The following STAG1 variants were observed in gnomAD, a reference collection of about 807,000 sequenced individuals.
STAG1 encodes the protein STAG1 cohesin complex component, also known as cohesin subunit SA-1.
Under a neutral mutation model 170.9 loss-of-function variants are expected in STAG1, and 26 were observed. The ratio of observed to expected loss-of-function variants is 0.15; its 90% confidence interval spans 0.11 to 0.21. The LOEUF is 0.21. Among genes scored for constraint, STAG1 ranks in the 10% least tolerant of loss-of-function variants. The probability of loss-of-function intolerance (pLI) is 1.00; values close to 1 mark genes in which losing one functional copy is unlikely to be tolerated. For missense variants in STAG1, 964 were observed against 1,509.5 expected, an observed-to-expected ratio of 0.64 and a Z score of 5.99; for synonymous variants, 514 against 497.7, an observed-to-expected ratio of 1.03 and a Z score of -0.44.
At chr3:136,665,258 T>C (rs1236725606) in intron 1 of STAG1, among the ~76,000 whole-genome samples, 2 of 152,188 alleles carry the variant, frequency 1.3e-5, no homozygotes, top group East Asian at 1.9e-4. Flanking sequence ...AATGAGATCT[T>C]TGAGGACCTT....
chr3:136,573,932 C>T (rs1937358203), intron 4 of STAG1, among the ~76,000 whole-genome samples: 1 of 151,954 alleles, frequency 6.6e-6, no homozygotes, highest in Non-Finnish European at 1.5e-5. Context: ...GATCGCGCCA[C>T]TGCACTCCAG....
At chr3:136,723,870 G>A (rs7610239) in intron 1 of STAG1, among the ~76,000 whole-genome samples, 31,721 of 139,506 alleles carry the variant, frequency 0.23, 3,751 homozygotes, top group African/African-American at 0.27. Context: ...CGCCCCGTCC[G>A]GGAGGGTGGT....
intron 1 of STAG1, among the ~76,000 whole-genome samples, chr3:136,714,938 AATATATATATAT>A (rs71714671): frequency 1.3e-4 from 12 of 95,720 alleles, no homozygotes; most frequent in African/African-American, 4.0e-4. Flanking sequence ...ATATATATTA[AATATATATATAT>A]ATATATATAT....
intron 4 of STAG1, among the ~76,000 whole-genome samples, chr3:136,570,238 T>C (rs1937219739): frequency 6.6e-6 from 1 of 152,188 alleles, no homozygotes; most frequent in Non-Finnish European, 1.5e-5. Context: ...AAAGGGTAAT[T>C]ATTATACTGA....
chr3:136,656,504 TC>T (rs1941375076), intron 1 of STAG1, among the ~76,000 whole-genome samples: 1 of 151,330 alleles, frequency 6.6e-6, no homozygotes, highest in Admixed American at 6.6e-5. Context: ...GGCAGAGGGG[TC>T]CCCAGAACAA....
chr3:136,523,767 T>C (rs1934826031), intron 6 of STAG1, among the ~76,000 whole-genome samples: 2 of 152,232 alleles, frequency 1.3e-5, no homozygotes, highest in Admixed American at 6.5e-5. Context: ...GAATTAATTT[T>C]TGTATAAAGT....
intron 16 of STAG1, among the ~76,000 whole-genome samples, chr3:136,429,715 C>G (rs1168656733): frequency 6.6e-6 from 1 of 152,128 alleles, no homozygotes; most frequent in East Asian, 1.9e-4. Context: ...AGTGAGTGTA[C>G]CTGCCTCTCC....
In STAG1 at chr3:136,338,358, T is replaced by A. The variant is rs1483651821; in HGVS notation, c.3753+12A>T. The A allele has an allele frequency of 6.2e-7, 1 of 1,608,802 alleles. No individual in the cohort carries two copies. Among genetic ancestry groups the A allele is most frequent in the South Asian group, 1.1e-5 (1 of 90,884 alleles). On this transcript the variant is annotated intron_variant, in intron 33 of 33. Transcript: ENST00000383202. ...AACCATAAATAAAAAGCAGTAATAA[T>A]TTGACATTTACTGAATCATCTTCTA... is the stretch of plus-strand genomic sequence containing the variant.
At chr3:136,398,422 T>C (rs2087229481) in intron 22 of STAG1, among the ~76,000 whole-genome samples, 1 of 152,032 alleles carries the variant, frequency 6.6e-6, no homozygotes, top group Non-Finnish European at 1.5e-5. Context: ...ACGGCCTCAA[T>C]GTTATTCTTT....
Position 136,629,372 on chromosome 3 carries a change from G to GT in STAG1, c.29+1497dup, listed in dbSNP as rs200852049. 9.5e-3 allele frequency among the ~76,000 whole-genome samples: 1,438 copies of GT among 152,154 alleles called. 9 individuals are homozygous for GT. The highest frequency in any genetic ancestry group is 0.037 in the Middle Eastern group (11 of 294). ...ACCTGAGCTAAGACTTAAATAGATA[G>GT]TGGCTTGGCCAGGTAAGGGCAGAAG... On this transcript the variant is annotated intron_variant, in intron 2 of 33. Coordinates refer to ENST00000383202, the MANE Select transcript of STAG1 (RefSeq NM_005862.3).
chr3:136,543,982 T>C (rs537198724), intron 5 of STAG1, among the ~76,000 whole-genome samples: 1 of 152,114 alleles, frequency 6.6e-6, no homozygotes, highest in Non-Finnish European at 1.5e-5. Flanking sequence ...GAAGTCAGAT[T>C]CCTACGTATG....
chr3:136,642,078 T>TA (rs1367796501), intron 1 of STAG1, among the ~76,000 whole-genome samples: 1 of 152,096 alleles, frequency 6.6e-6, no homozygotes, highest in Non-Finnish European at 1.5e-5. Flanking sequence ...GTAATACACT[T>TA]ACAAAAGCTT....
At chr3:136,495,691 G>A (rs1042613386) in intron 9 of STAG1, among the ~76,000 whole-genome samples, 12 of 151,690 alleles carry the variant, frequency 7.9e-5, no homozygotes, top group South Asian at 2.1e-4. Flanking sequence ...AATTAGGGCC[G>A]GGCACGGTGG....
chr3:136,670,438 A>C (rs1941941830), intron 1 of STAG1, among the ~76,000 whole-genome samples: 1 of 152,162 alleles, frequency 6.6e-6, no homozygotes, highest in Non-Finnish European at 1.5e-5. Context: ...AAAAGAACCA[A>C]AAAAACTAGT....
At chr3:136,561,114 T>C (rs1190986968) in intron 5 of STAG1, among the ~76,000 whole-genome samples, 4 of 152,192 alleles carry the variant, frequency 2.6e-5, no homozygotes, top group South Asian at 4.1e-4. Flanking sequence ...CCTTATAAAA[T>C]GCAAATCTTA....
intron 5 of STAG1, among the ~76,000 whole-genome samples, chr3:136,565,181 A>G (rs1476000916): frequency 2.0e-5 from 3 of 151,874 alleles, no homozygotes; most frequent in Non-Finnish European, 4.4e-5. Flanking sequence ...GGAAAGGAAG[A>G]GAAATCAGAC....
intron 1 of STAG1, among the ~76,000 whole-genome samples, chr3:136,718,687 G>A (rs902710606): frequency 1.3e-5 from 2 of 152,188 alleles, no homozygotes; most frequent in African/African-American, 2.4e-5. Flanking sequence ...CACTTTGGGA[G>A]GCCAAGGTGG....
At chr3:136,686,646 A>T (rs1446640106) in intron 1 of STAG1, among the ~76,000 whole-genome samples, 1 of 152,242 alleles carries the variant, frequency 6.6e-6, no homozygotes, top group South Asian at 2.1e-4. Flanking sequence ...AACAGCTCTA[A>T]TCCATGAACC....
intron 6 of STAG1, among the ~76,000 whole-genome samples, chr3:136,528,975 CA>C (rs1260619951): frequency 6.6e-6 from 1 of 151,382 alleles, no homozygotes; most frequent in Non-Finnish European, 1.5e-5. Context: ...GAAAACAAAC[CA>C]AAAAACCCCC....
Sources: allele counts gnomAD v4.1 joint callset (sites outside exome capture counted in the v4.1 genomes callset), GRCh38; gene constraint gnomAD v4.1.1; transcripts MANE v1.5; gene names NCBI Gene and HGNC (gene_info 2026-07-23, HGNC 2026-07-21).